The following RAMP3 variants were observed in gnomAD, a reference collection of about 807,000 sequenced individuals.
RAMP3 encodes the protein receptor activity-modifying protein 3.
Under a neutral mutation model 13.5 loss-of-function variants are expected in RAMP3, and 14 were observed. That is an observed-to-expected ratio of 1.04 (90% CI 0.69 to 1.63). The LOEUF is 1.63. Ranked by LOEUF, RAMP3 falls within the 40% of genes most tolerant of loss-of-function variation. RAMP3 has a pLI of 0.00. For missense variants in RAMP3, 200 were observed against 204.8 expected, an observed-to-expected ratio of 0.98 and a Z score of 0.14; for synonymous variants, 106 against 88.3, an observed-to-expected ratio of 1.20 and a Z score of -1.12.
chr7:45,177,162 G>A (rs1294940), intron 1 of RAMP3, 147 bp from the exon 2 acceptor site: 438,870 of 969,328 alleles, frequency 0.45, 105,212 homozygotes, highest in Admixed American at 0.53. Context: ...GGTCAGGGTG[G>A]AGGGTGAAGG....
chr7:45,159,295 G>A (rs144323690), intron 1 of RAMP3, among the ~76,000 whole-genome samples: 1,960 of 152,290 alleles, frequency 0.013, 26 homozygotes, highest in Admixed American at 0.02. Flanking sequence ...TGAGATTCAG[G>A]GAGAGGTAAA....
At position 45,183,396 on chromosome 7, in the gene RAMP3, C is replaced by A. The variant is rs1237493178; in HGVS notation, c.431C>A (p.Thr144Asn). ...CTGGTGGTGTGGCGCAGCAAACGCA[C>A]CGACACGCTGCTGTGAGGGTCCCGG... ...AGLVVWRSKR[T>N]DTLL The change falls in exon 3 of 3, where the codon ACC becomes AAC. Residue 144 changes from threonine to asparagine, a missense_variant. Thr to Asn is a moderately conservative substitution (Grantham distance 65). Coordinates refer to ENST00000242249, the MANE Select transcript of RAMP3 (RefSeq NM_005856.3). 4.3e-6 allele frequency: 7 copies of A among 1,612,780 alleles called. No homozygotes were observed. Among genetic ancestry groups the A allele is most frequent in the Non-Finnish European group, 5.9e-6 (7 of 1,180,020 alleles).
chr7:45,166,270 A>G (rs2128655892), intron 1 of RAMP3, among the ~76,000 whole-genome samples: 1 of 151,894 alleles, frequency 6.6e-6, no homozygotes, highest in East Asian at 1.9e-4. Flanking sequence ...GGACTCCTCA[A>G]GCCATCCTCC....
chr7:45,170,301 G>C (rs920514892), intron 1 of RAMP3, among the ~76,000 whole-genome samples: 1 of 151,560 alleles, frequency 6.6e-6, no homozygotes, highest in Non-Finnish European at 1.5e-5. Flanking sequence ...GGAAGGCTGG[G>C]TAATTGATTT....
intron 1 of RAMP3, among the ~76,000 whole-genome samples, chr7:45,171,547 C>T (rs1046685900): frequency 5.3e-5 from 8 of 151,794 alleles, no homozygotes; most frequent in African/African-American, 1.9e-4. Context: ...AGTCTCATGT[C>T]TTTTTTGATT....
At chr7:45,173,013 A>G (rs1158447084) in intron 1 of RAMP3, among the ~76,000 whole-genome samples, 1 of 152,120 alleles carries the variant, frequency 6.6e-6, no homozygotes, top group African/African-American at 2.4e-5. Flanking sequence ...TTTCTGGTTC[A>G]CCTACCTCTG....
At chr7:45,183,033 G>A in intron 2 of RAMP3, 124 bp from the exon 3 acceptor site, 1 of 1,340,808 alleles carries the variant, frequency 7.5e-7, no homozygotes, top group Non-Finnish European at 1.0e-6. Context: ...CCAAGGCTGG[G>A]CTGTGAATAG....
In RAMP3 at chr7:45,183,306, C is replaced by T; in HGVS notation, c.341C>T (p.Pro114Leu). 6.2e-7 allele frequency: 1 copy of T among 1,614,118 alleles called. No individual in the cohort carries two copies. Among genetic ancestry groups the T allele is most frequent in the Non-Finnish European group, 8.5e-7 (1 of 1,180,050 alleles). Residue 114 changes from proline to leucine, a missense_variant, in exon 3 of 3, where the codon CCC becomes CTC. Physicochemically the swap from Pro to Leu is moderately conservative, Grantham distance 98. Coordinates refer to ENST00000242249, the MANE Select transcript of RAMP3 (RefSeq NM_005856.3). ...GTGGACAGGGTCCACTTGGAGGACC[C>T]CCCAGACGAGGTTCTCATCCCGCTG... The part of the protein sequence containing the change: ...CTVDRVHLED[P>L]PDEVLIPLIV...
At chr7:45,170,336 ATTAT>A in intron 1 of RAMP3, among the ~76,000 whole-genome samples, 1 of 151,474 alleles carries the variant, frequency 6.6e-6, no homozygotes, top group East Asian at 1.9e-4. Flanking sequence ...TTATTATTTT[ATTAT>A]TTATTTATTT....
intron 1 of RAMP3, among the ~76,000 whole-genome samples, chr7:45,170,886 C>A (rs1057079887): frequency 4.0e-5 from 6 of 151,842 alleles, no homozygotes; most frequent in Non-Finnish European, 5.9e-5. Flanking sequence ...CAGCAACAAG[C>A]CATCCCACCT....
At chr7:45,163,030 C>T in intron 1 of RAMP3, 1 of 420,778 alleles carries the variant, frequency 2.4e-6, no homozygotes, top group Non-Finnish European at 3.2e-6. Context: ...ATGGCCTGCA[C>T]ATCTGAGTGG....
chr7:45,168,993 T>C (rs1011372508), intron 1 of RAMP3, among the ~76,000 whole-genome samples: 4 of 152,224 alleles, frequency 2.6e-5, no homozygotes, highest in Non-Finnish European at 5.9e-5. Context: ...GAAAAGACAT[T>C]GGATTTTGTC....
At chr7:45,161,537 C>T (rs533085317) in intron 1 of RAMP3, among the ~76,000 whole-genome samples, 152 of 132,242 alleles carry the variant, frequency 1.1e-3, no homozygotes, top group Non-Finnish European at 1.9e-3. Context: ...CGGCAAATAC[C>T]TCCAGGAAAG....
intron 1 of RAMP3, among the ~76,000 whole-genome samples, chr7:45,171,497 C>T (rs563435762): frequency 6.6e-6 from 1 of 152,222 alleles, no homozygotes; most frequent in East Asian, 1.9e-4. Flanking sequence ...GGTCAGAGGA[C>T]ATTTATATAA....
intron 2 of RAMP3, among the ~76,000 whole-genome samples, chr7:45,180,608 A>G (rs1452406199): frequency 6.6e-6 from 1 of 152,250 alleles, no homozygotes; most frequent in Non-Finnish European, 1.5e-5. Flanking sequence ...AATAGCAGCA[A>G]TGGGCTCCTT....
At chr7:45,160,512 A>C (rs1456478148) in intron 1 of RAMP3, among the ~76,000 whole-genome samples, 1 of 152,002 alleles carries the variant, frequency 6.6e-6, no homozygotes, top group Non-Finnish European at 1.5e-5. Flanking sequence ...AAGTTGCCCA[A>C]CCACAGAGAC....
chr7:45,164,987 C>T (rs565826692), intron 1 of RAMP3, among the ~76,000 whole-genome samples: 1 of 152,260 alleles, frequency 6.6e-6, no homozygotes, highest in Non-Finnish European at 1.5e-5. Flanking sequence ...TTAAATCTAC[C>T]ATTGTACCAT....
chr7:45,168,291 A>G (rs1168734140), intron 1 of RAMP3, among the ~76,000 whole-genome samples: 2 of 151,370 alleles, frequency 1.3e-5, no homozygotes, highest in African/African-American at 2.4e-5. Context: ...AATCCCAACT[A>G]CTCAGGAGGC....
chr7:45,175,748 G>A (rs1786169432), intron 1 of RAMP3, among the ~76,000 whole-genome samples: 1 of 152,144 alleles, frequency 6.6e-6, no homozygotes, highest in African/African-American at 2.4e-5. Flanking sequence ...CCTGGGATCT[G>A]GACCCCTCCA....
Sources: gnomAD v4.1 joint callset for allele counts (sites outside exome capture counted in the v4.1 genomes callset) on GRCh38, gnomAD v4.1.1 for gene constraint, MANE v1.5 for transcripts, NCBI Gene and HGNC (gene_info 2026-07-23, HGNC 2026-07-21) for gene names.